Variants in ASCC1 observed in about 807,000 individuals in gnomAD.
The protein encoded by ASCC1 is ASC-1 complex subunit P50.
Under a neutral mutation model 46.6 loss-of-function variants are expected in ASCC1, and 35 were observed. That is an observed-to-expected ratio of 0.75 (90% CI 0.57 to 0.99). The LOEUF (loss-of-function observed/expected upper bound fraction) is 0.99, where lower values mean the gene tolerates loss of function less well. Ranked by LOEUF, ASCC1 falls within the 50% of genes least tolerant of loss-of-function variation. The probability of loss-of-function intolerance (pLI) is 0.00; values close to 1 mark genes in which losing one functional copy is unlikely to be tolerated. For missense variants in ASCC1, 376 were observed against 428.7 expected (o/e 0.88, Z 1.09); for synonymous variants, 143 against 146.6 (o/e 0.98, Z 0.18).
At chr10:72,177,730 T>A (rs1390112896) in intron 5 of ASCC1, among the ~76,000 whole-genome samples, 1 of 152,196 alleles carries the variant, frequency 6.6e-6, no homozygotes, top group Admixed American at 6.5e-5. Context: ...AAAAAATGAT[T>A]GAGAGATATA....
chr10:72,211,770 C>T (rs1169233920), intron 2 of ASCC1, among the ~76,000 whole-genome samples: 2 of 151,614 alleles, frequency 1.3e-5, no homozygotes, highest in Non-Finnish European at 2.9e-5. Flanking sequence ...TTGCAGTGAG[C>T]CGAGATCGCG....
At chr10:72,156,113 C>T (rs970042334) in intron 6 of ASCC1, among the ~76,000 whole-genome samples, 5 of 152,154 alleles carry the variant, frequency 3.3e-5, no homozygotes, top group Non-Finnish European at 5.9e-5. Flanking sequence ...GGGGACAGAT[C>T]TCTTGTCAAT....
chr10:72,142,747 G>C (rs1245516), intron 7 of ASCC1, among the ~76,000 whole-genome samples: 107,180 of 151,954 alleles, frequency 0.71, 39,642 homozygotes, highest in African/African-American at 0.92. Context: ...AGCTGGACTA[G>C]AGTAATGACT....
chr10:72,120,387 A>G (rs1362076374), intron 9 of ASCC1, among the ~76,000 whole-genome samples: 1 of 152,138 alleles, frequency 6.6e-6, no homozygotes, highest in Admixed American at 6.5e-5. Context: ...GCAGAGAACA[A>G]AGACTGAAAA....
Position 72,200,414 on chromosome 10 carries a change from G to A in ASCC1, c.310+3013C>T, listed in dbSNP as rs1043125355. 3.9e-5 allele frequency among the ~76,000 whole-genome samples: 6 copies of A among 152,030 alleles called. No individual in the cohort carries two copies. The East Asian group carries it at 5.8e-4, about 15-fold the overall frequency. ...ACCTGTAATACCAGCACTTTGGGAG[G>A]CTGAGGCTGGCTGCACCTGAGGTCG... On this transcript the variant is annotated intron_variant, in intron 4 of 9. Transcript: ENST00000672957.
intron 5 of ASCC1, among the ~76,000 whole-genome samples, chr10:72,168,014 C>A (rs775639745): frequency 2.0e-5 from 3 of 152,044 alleles, no homozygotes; most frequent in African/African-American, 4.8e-5. Context: ...CACAGTGAAA[C>A]CCCGTCTCTA....
chr10:72,191,048 C>T (rs1377399080), intron 5 of ASCC1, among the ~76,000 whole-genome samples: 2 of 145,490 alleles, frequency 1.4e-5, no homozygotes, highest in Non-Finnish European at 3.0e-5. Context: ...AGACAGTAAG[C>T]GGTGGTGTAT....
intron 3 of ASCC1, among the ~76,000 whole-genome samples, chr10:72,207,365 G>T (rs1355752793): frequency 6.6e-6 from 1 of 152,216 alleles, no homozygotes; most frequent in Non-Finnish European, 1.5e-5. Context: ...AGTGAGCCCA[G>T]ATCGTGCCAC....
intron 5 of ASCC1, among the ~76,000 whole-genome samples, chr10:72,173,581 TGGA>T (rs3063690): frequency 7.2e-4 from 109 of 152,330 alleles, no homozygotes; most frequent in African/African-American, 2.3e-3. Context: ...GTAACTCCAC[TGGA>T]CAGTCTTTTA....
intron 7 of ASCC1, among the ~76,000 whole-genome samples, chr10:72,151,990 A>G (rs1315787172): frequency 1.2e-5 from 1 of 86,820 alleles, no homozygotes; most frequent in Non-Finnish European, 2.4e-5. Context: ...CAACCGGCCA[A>G]TATTTTTTTT....
rs1654233131 is a variant in ASCC1, at chr10:72,190,691, G to A, written c.489+6120C>T. On this transcript the variant is annotated intron_variant, in intron 5 of 9. Transcript: ENST00000672957. ...CTGCAAATTATTTAATGAATGCTTT[G>A]TCAAATTAAGACAGTTAAAGTGAAG... 4.7e-6 allele frequency: 3 copies of A among 643,362 alleles called. No individual in the cohort carries two copies. The Admixed American group carries it at 8.9e-5, about 19-fold the overall frequency. 39.9% of individuals were successfully genotyped at this position (643,362 alleles called of 1,614,324 possible). A position where few individuals can be genotyped will look rare whatever the true frequency, so the allele number is the denominator to read the frequency against.
chr10:72,138,066 T>C (rs1372167390), intron 7 of ASCC1, among the ~76,000 whole-genome samples: 3 of 152,210 alleles, frequency 2.0e-5, no homozygotes, highest in Non-Finnish European at 4.4e-5. Flanking sequence ...GGTTTTGCCA[T>C]GTTGCCCAGG....
intron 5 of ASCC1, among the ~76,000 whole-genome samples, chr10:72,189,325 G>A (rs958130441): frequency 2.0e-5 from 3 of 151,502 alleles, no homozygotes; most frequent in African/African-American, 4.8e-5. Context: ...GGAGAATGGC[G>A]CAAACCTGGG....
chr10:72,209,539 T>C (rs1330682605), intron 3 of ASCC1, among the ~76,000 whole-genome samples: 1 of 152,104 alleles, frequency 6.6e-6, no homozygotes. Flanking sequence ...ATTCCGGCAC[T>C]TTGGGAAGCT....
chr10:72,168,090 C>G (rs1850595672), intron 5 of ASCC1, among the ~76,000 whole-genome samples: 1 of 152,146 alleles, frequency 6.6e-6, no homozygotes, highest in African/African-American at 2.4e-5. Flanking sequence ...ACTCAGGAGG[C>G]TGAGGCAGCA....
Position 72,213,229 on chromosome 10 carries a change from G to A in ASCC1, c.70C>T (p.Gln24Ter). The A allele has an allele frequency of 1.2e-6, 2 of 1,613,974 alleles. No homozygotes were observed. Among genetic ancestry groups the A allele is most frequent in the Non-Finnish European group, 1.7e-6 (2 of 1,179,910 alleles). ...TCATCTTCTTCATGTTGATAGGTCT[G>A]TTCTTGGACTGGATTCTTCCTGTAA... Reference protein sequence around the residue: ...RNYRKNPVQEQTYQHEEDEED... With the variant: ...RNYRKNPVQE Residue 24 changes from glutamine to a stop codon, truncating the protein, a stop_gained, in exon 2 of 10, where the codon CAG becomes TAG. Transcript: ENST00000672957. LOFTEE classifies it high-confidence loss of function.
intron 9 of ASCC1, among the ~76,000 whole-genome samples, chr10:72,107,305 C>G (rs962538760): frequency 7.2e-6 from 1 of 138,642 alleles, no homozygotes; most frequent in Non-Finnish European, 1.6e-5. Flanking sequence ...ATAAGTTACC[C>G]CCCCCCCAAA....
chr10:72,189,058 G>A (rs1313674986), intron 5 of ASCC1, among the ~76,000 whole-genome samples: 2 of 152,052 alleles, frequency 1.3e-5, no homozygotes, highest in African/African-American at 2.4e-5. Context: ...CATCCAGCGT[G>A]TCTCTCATTT....
At chr10:72,216,836 C>T (rs1859442389), upstream of ASCC1, 1 of 456,130 alleles carries the variant, frequency 2.2e-6, no homozygotes, top group South Asian at 1.5e-5. Flanking sequence ...AGGGCCAAGT[C>T]CCAGGATACT....
Sources: gnomAD v4.1 joint callset for allele counts (sites outside exome capture counted in the v4.1 genomes callset) on GRCh38, gnomAD v4.1.1 for gene constraint, MANE v1.5 for transcripts, NCBI Gene and HGNC (gene_info 2026-07-23, HGNC 2026-07-21) for gene names.